GLIS3: variants seen among roughly 807,000 people sequenced by gnomAD.
GLIS3 encodes the protein GLIS family zinc finger 3, also known as zinc finger protein GLIS3.
Under a neutral mutation model 78.6 loss-of-function variants are expected in GLIS3, and 53 were observed. That is an observed-to-expected ratio of 0.67 (90% confidence interval 0.54 to 0.85). The LOEUF (loss-of-function observed/expected upper bound fraction) is 0.85, where lower values mean the gene tolerates loss of function less well. GLIS3 is among the 40% of genes least tolerant of loss of function. The pLI, the probability that GLIS3 is intolerant of heterozygous loss-of-function variation, is 0.00. For missense variants in GLIS3, 1,703 were observed against 1,231.1 expected, an observed-to-expected ratio of 1.38 and a Z score of -5.74; for synonymous variants, 684 against 509.9, an observed-to-expected ratio of 1.34 and a Z score of -4.60.
chr9:3,936,617 AAAAAACAAAG>A (rs1825912528), intron 5 of GLIS3, among the ~76,000 whole-genome samples: 1 of 152,168 alleles, frequency 6.6e-6, no homozygotes, highest in Non-Finnish European at 1.5e-5. Flanking sequence ...GGGTAGAAAA[AAAAAACAAAG>A]AAAAACAAAC....
chr9:4,179,909 CA>C (rs5896049), intron 2 of GLIS3, among the ~76,000 whole-genome samples: 66 of 144,586 alleles, frequency 4.6e-4, no homozygotes, highest in Middle Eastern at 3.5e-3. Flanking sequence ...GACTCTGTCT[CA>C]AAAAAAAAAA....
chr9:3,855,965 A>G (rs752035517), intron 9 of GLIS3, 44 bp downstream of exon 9: 1 of 1,595,552 alleles, frequency 6.3e-7, no homozygotes, highest in Non-Finnish European at 8.6e-7. Context: ...CAACAGCACA[A>G]TGTCACTTTT....
chr9:4,192,944 G>A (rs1046301235), intron 2 of GLIS3, among the ~76,000 whole-genome samples: 11 of 152,226 alleles, frequency 7.2e-5, no homozygotes, highest in Admixed American at 6.5e-5. Context: ...ACTGCAAGGA[G>A]GTCAGCATTC....
At chr9:4,253,633 C>T (rs1313298956) in intron 2 of GLIS3, among the ~76,000 whole-genome samples, 1 of 152,136 alleles carries the variant, frequency 6.6e-6, no homozygotes, top group Non-Finnish European at 1.5e-5. Context: ...GTCTCGCTAG[C>T]GTTCCATGTG....
At chr9:4,190,620 C>G (rs571614604) in intron 2 of GLIS3, among the ~76,000 whole-genome samples, 1 of 151,686 alleles carries the variant, frequency 6.6e-6, no homozygotes, top group East Asian at 1.9e-4. Context: ...AGGATATTAT[C>G]CAGGAGAACT....
At chr9:4,171,093 C>A (rs1816334036) in intron 2 of GLIS3, among the ~76,000 whole-genome samples, 2 of 152,124 alleles carry the variant, frequency 1.3e-5, no homozygotes, top group Admixed American at 1.3e-4. Context: ...TGATGAGTAT[C>A]ACCTGTAAGT....
At chr9:4,401,269 T>G in the GLIS3 span, among the ~76,000 whole-genome samples, 1 of 152,182 alleles carries the variant, frequency 6.6e-6, no homozygotes, top group Non-Finnish European at 1.5e-5. Flanking sequence ...TGTTTGTTTT[T>G]GTTTTTTGAG....
upstream of GLIS3, among the ~76,000 whole-genome samples, chr9:4,350,278 G>A (rs12342015): frequency 4.6e-3 from 693 of 152,292 alleles, 6 homozygotes; most frequent in African/African-American, 0.016. Context: ...GGGAATAGGC[G>A]GAAATGTGAG....
chr9:4,041,792 G>A (rs1465291246), intron 4 of GLIS3, among the ~76,000 whole-genome samples: 1 of 152,150 alleles, frequency 6.6e-6, no homozygotes, highest in Non-Finnish European at 1.5e-5. Context: ...TCTTGCTTGA[G>A]TCACTATTTC....
intron 1 of GLIS3, among the ~76,000 whole-genome samples, chr9:4,296,616 C>A (rs1284441120): frequency 6.6e-6 from 1 of 152,164 alleles, no homozygotes; most frequent in African/African-American, 2.4e-5. Flanking sequence ...ATCAACGATG[C>A]TGTCCCCAAA....
intron 2 of GLIS3, among the ~76,000 whole-genome samples, chr9:4,220,162 G>T (rs893546631): frequency 6.6e-6 from 1 of 152,118 alleles, no homozygotes; most frequent in African/African-American, 2.4e-5. Flanking sequence ...ATAATGCAAT[G>T]AAGTAACAGT....
the GLIS3 span, among the ~76,000 whole-genome samples, chr9:4,458,542 C>G: frequency 5.5e-4 from 83 of 152,170 alleles, no homozygotes; most frequent in Non-Finnish European, 8.8e-5. Context: ...GTAATCCCAG[C>G]ACTTTGAGAG....
intron 2 of GLIS3, among the ~76,000 whole-genome samples, chr9:4,256,507 T>A (rs193207505): frequency 2.0e-3 from 308 of 152,328 alleles, no homozygotes; most frequent in Non-Finnish European, 3.2e-3. Flanking sequence ...TGAAGTTTGG[T>A]GAGCATCCTA....
intron 6 of GLIS3, among the ~76,000 whole-genome samples, chr9:3,923,936 T>C (rs1825058639): frequency 6.6e-6 from 1 of 152,212 alleles, no homozygotes; most frequent in Non-Finnish European, 1.5e-5. Flanking sequence ...TCAGTAAAAA[T>C]CTATGGAGCC....
chr9:4,072,896 C>G (rs899153293), intron 4 of GLIS3, among the ~76,000 whole-genome samples: 7 of 151,996 alleles, frequency 4.6e-5, no homozygotes, highest in African/African-American at 1.7e-4. Flanking sequence ...ACGTACAGCC[C>G]CAAATCGAAC....
chr9:4,435,149 T>G, the GLIS3 span, among the ~76,000 whole-genome samples: 93 of 152,346 alleles, frequency 6.1e-4, no homozygotes, highest in African/African-American at 2.1e-3. Context: ...ATGGTCAACC[T>G]GACGAACTCC....
chr9:4,240,076 G>T (rs1298220391), intron 2 of GLIS3, among the ~76,000 whole-genome samples: 3 of 151,018 alleles, frequency 2.0e-5, no homozygotes, highest in Non-Finnish European at 4.4e-5. Flanking sequence ...TATGTAAGTA[G>T]TGGACACATA....
At chr9:3,997,371 AAAAAT>A (rs569835206) in intron 4 of GLIS3, among the ~76,000 whole-genome samples, 14 of 151,888 alleles carry the variant, frequency 9.2e-5, no homozygotes, top group Non-Finnish European at 1.3e-4. Flanking sequence ...CAATAAAAAT[AAAAAT>A]AAAATAAAAT....
At chr9:4,344,217 A>T (rs1005935900) in intron 2 of GLIS3, among the ~76,000 whole-genome samples, 1 of 151,872 alleles carries the variant, frequency 6.6e-6, no homozygotes, top group Non-Finnish European at 1.5e-5. Flanking sequence ...CACCATTTTT[A>T]TTTGCCCCAG....
Sources: gnomAD v4.1 joint callset for allele counts (sites outside exome capture counted in the v4.1 genomes callset) on GRCh38, gnomAD v4.1.1 for gene constraint, MANE v1.5 for transcripts, NCBI Gene and HGNC (gene_info 2026-07-23, HGNC 2026-07-21) for gene names.